The following UST variants were observed in gnomAD, a reference collection of about 807,000 sequenced individuals.
The protein encoded by UST is uronyl 2-sulfotransferase.
Under a neutral mutation model 45.6 loss-of-function variants are expected in UST, and 21 were observed. The ratio of observed to expected loss-of-function variants is 0.46; its 90% CI spans 0.33 to 0.66. The LOEUF (loss-of-function observed/expected upper bound fraction) is 0.66. Among genes scored for constraint, UST ranks in the 30% least tolerant of loss-of-function variants. The pLI is 0.02. For synonymous variants in UST, 215 were observed against 200.6 expected, an observed-to-expected ratio of 1.07 and a Z score of -0.61; for missense variants, 463 against 512.4, an observed-to-expected ratio of 0.90 and a Z score of 0.93.
At chr6:148,859,815 A>G (rs1392223628) in intron 1 of UST, among the ~76,000 whole-genome samples, 7 of 152,014 alleles carry the variant, frequency 4.6e-5, no homozygotes, top group Non-Finnish European at 1.0e-4. Flanking sequence ...GATGTGTGGT[A>G]TTATTTCTGA....
At chr6:148,760,684 C>T (rs189745339) in intron 1 of UST, among the ~76,000 whole-genome samples, 1 of 151,308 alleles carries the variant, frequency 6.6e-6, no homozygotes, top group African/African-American at 2.4e-5. Context: ...GAAAGCTCAA[C>T]AGTAACACCC....
intron 7 of UST, among the ~76,000 whole-genome samples, chr6:149,041,801 T>C (rs980288095): frequency 1.3e-5 from 2 of 152,180 alleles, no homozygotes; most frequent in African/African-American, 4.8e-5. Flanking sequence ...ACCCTCTCCA[T>C]GCTGACCACC....
intron 2 of UST, among the ~76,000 whole-genome samples, chr6:148,894,775 T>C (rs1779086981): frequency 6.6e-6 from 1 of 151,260 alleles, no homozygotes; most frequent in Non-Finnish European, 1.5e-5. Context: ...TAAGAAACAT[T>C]GAAACCATTT....
chr6:148,943,938 CAGAG>C (rs1780181587), intron 3 of UST, among the ~76,000 whole-genome samples: 1 of 152,104 alleles, frequency 6.6e-6, no homozygotes, highest in Admixed American at 6.5e-5. Context: ...CTCTGGCATG[CAGAG>C]AGAGAAGCCA....
chr6:149,030,482 A>AG (rs1464959300), intron 7 of UST, among the ~76,000 whole-genome samples: 1 of 151,396 alleles, frequency 6.6e-6, no homozygotes, highest in Non-Finnish European at 1.5e-5. Flanking sequence ...TCTACCAAAA[A>AG]AAAAAAATTA....
At chr6:148,777,161 C>T (rs1052998569) in intron 1 of UST, among the ~76,000 whole-genome samples, 1 of 152,164 alleles carries the variant, frequency 6.6e-6, no homozygotes, top group Non-Finnish European at 1.5e-5. Flanking sequence ...GCTCACTTAC[C>T]GCACTTAAAA....
chr6:148,890,969 A>G (rs1310513661), intron 2 of UST, among the ~76,000 whole-genome samples: 2 of 152,298 alleles, frequency 1.3e-5, no homozygotes, highest in Middle Eastern at 3.4e-3. Flanking sequence ...AATTGCACGC[A>G]TATGTTTGTA....
At chr6:148,876,162 CA>C (rs1778647157) in intron 1 of UST, among the ~76,000 whole-genome samples, 1 of 151,994 alleles carries the variant, frequency 6.6e-6, no homozygotes, top group African/African-American at 2.4e-5. Flanking sequence ...GAAGGGAGAG[CA>C]GGGGTCTCAC....
chr6:149,020,117 C>T (rs534148512), intron 6 of UST, among the ~76,000 whole-genome samples: 3 of 152,356 alleles, frequency 2.0e-5, no homozygotes, highest in African/African-American at 7.2e-5. Flanking sequence ...GCTACTTCTA[C>T]ACCGGCAACG....
chr6:148,978,266 A>G (rs1194338592), intron 5 of UST, among the ~76,000 whole-genome samples: 1 of 152,226 alleles, frequency 6.6e-6, no homozygotes, highest in African/African-American at 2.4e-5. Flanking sequence ...TAATGTTGAT[A>G]AAAATGACCC....
chr6:149,059,326 T>G (rs1776619153), intron 7 of UST, among the ~76,000 whole-genome samples: 1 of 152,234 alleles, frequency 6.6e-6, no homozygotes, highest in Non-Finnish European at 1.5e-5. Flanking sequence ...CCTCTACAAG[T>G]GTCGGGCCCT....
At chr6:148,976,916 A>G (rs1482689113) in intron 5 of UST, among the ~76,000 whole-genome samples, 1 of 152,046 alleles carries the variant, frequency 6.6e-6, no homozygotes, top group African/African-American at 2.4e-5. Context: ...GTTTTGTGTT[A>G]TACTCAGAAG....
intron 1 of UST, among the ~76,000 whole-genome samples, chr6:148,885,484 AG>A (rs1778896627): frequency 6.6e-6 from 1 of 152,236 alleles, no homozygotes; most frequent in Admixed American, 6.5e-5. Flanking sequence ...ACATTAATTA[AG>A]GTCTAACAAA....
chr6:148,900,333 G>A (rs111845676), intron 2 of UST, among the ~76,000 whole-genome samples: 3,162 of 152,246 alleles, frequency 0.021, 110 homozygotes, highest in African/African-American at 0.068. Flanking sequence ...CCCCACCTAG[G>A]TCTCATCTTG....
At chr6:149,003,084 T>C (rs761179825) in intron 5 of UST, among the ~76,000 whole-genome samples, 6 of 152,120 alleles carry the variant, frequency 3.9e-5, no homozygotes, top group Admixed American at 3.3e-4. Flanking sequence ...ACACAATGAG[T>C]GAATCATTTT....
chr6:148,945,607 T>C (rs1780220126), intron 3 of UST, among the ~76,000 whole-genome samples: 2 of 152,246 alleles, frequency 1.3e-5, no homozygotes, highest in South Asian at 4.1e-4. Flanking sequence ...AAAAATATTA[T>C]GGTTCAATAA....
chr6:148,888,885 G>A (rs1051339241), intron 2 of UST, among the ~76,000 whole-genome samples: 2 of 152,168 alleles, frequency 1.3e-5, no homozygotes, highest in African/African-American at 2.4e-5. Flanking sequence ...TGTTCTCTCT[G>A]GGGATAAGGA....
intron 2 of UST, among the ~76,000 whole-genome samples, chr6:148,895,874 C>T (rs932666276): frequency 3.9e-5 from 6 of 152,336 alleles, no homozygotes; most frequent in African/African-American, 1.4e-4. Flanking sequence ...TGGACTAATA[C>T]ACAAAACTAC....
At chr6:148,946,093 G>T (rs1036216948) in intron 3 of UST, among the ~76,000 whole-genome samples, 12 of 152,136 alleles carry the variant, frequency 7.9e-5, no homozygotes, top group Non-Finnish European at 1.5e-4. Flanking sequence ...AAGTCTGAAT[G>T]GTGGCTAGAA....
Sources: allele counts gnomAD v4.1 joint callset (sites outside exome capture counted in the v4.1 genomes callset), GRCh38; gene constraint gnomAD v4.1.1; transcripts MANE v1.5; gene names NCBI Gene and HGNC (gene_info 2026-07-23, HGNC 2026-07-21).